Variants in PTPRD observed in about 807,000 individuals in gnomAD.
PTPRD encodes the protein receptor-type tyrosine-protein phosphatase delta.
A neutral mutation model predicts 214.5 loss-of-function variants in PTPRD; 34 were observed. That is an observed-to-expected ratio of 0.16 (90% CI 0.12 to 0.21). The LOEUF (loss-of-function observed/expected upper bound fraction) is 0.21. Ranked by LOEUF, PTPRD falls within the 10% of genes least tolerant of loss-of-function variation. The probability of loss-of-function intolerance (pLI) is 1.00; values close to 1 mark genes in which losing one functional copy is unlikely to be tolerated. For missense variants in PTPRD, 2,545 were observed against 2,398.7 expected, an observed-to-expected ratio of 1.06 and a Z score of -1.27; for synonymous variants, 1,128 against 845.7, an observed-to-expected ratio of 1.33 and a Z score of -5.79.
chr9:9,452,944 C>T (rs2092449674), intron 8 of PTPRD, among the ~76,000 whole-genome samples: 1 of 151,106 alleles, frequency 6.6e-6, no homozygotes, highest in Admixed American at 6.6e-5. Flanking sequence ...ATTAAAACTC[C>T]CTCTTTTGAA....
chr9:9,472,454 C>T (rs1239342387), intron 8 of PTPRD, among the ~76,000 whole-genome samples: 3 of 151,980 alleles, frequency 2.0e-5, no homozygotes, highest in African/African-American at 4.8e-5. Context: ...CCACCCGCCT[C>T]GGCCTCCCAA....
chr9:8,459,313 T>A (rs925927590), intron 33 of PTPRD, among the ~76,000 whole-genome samples: 2 of 152,142 alleles, frequency 1.3e-5, no homozygotes, highest in South Asian at 2.1e-4. Context: ...AGAGAAGCTA[T>A]CTTGTAGTAG....
chr9:8,386,105 TCA>T (rs1438975957), intron 37 of PTPRD, among the ~76,000 whole-genome samples: 1 of 152,150 alleles, frequency 6.6e-6, no homozygotes, highest in Non-Finnish European at 1.5e-5. Flanking sequence ...ATCCTTTATC[TCA>T]GTCAATACCC....
At chr9:8,322,977 A>C (rs1173990229) in intron 44 of PTPRD, among the ~76,000 whole-genome samples, 1 of 152,206 alleles carries the variant, frequency 6.6e-6, no homozygotes, top group Non-Finnish European at 1.5e-5. Flanking sequence ...AGGAAGAGTT[A>C]TACATCTCTC....
chr9:8,852,283 T>C (rs1400180037), intron 11 of PTPRD, among the ~76,000 whole-genome samples: 1 of 152,192 alleles, frequency 6.6e-6, no homozygotes, highest in African/African-American at 2.4e-5. Flanking sequence ...CAATTGAGAA[T>C]TTATAAATTT....
chr9:9,563,891 G>A (rs1227945980), intron 8 of PTPRD, among the ~76,000 whole-genome samples: 1 of 152,088 alleles, frequency 6.6e-6, no homozygotes, highest in Admixed American at 6.5e-5. Flanking sequence ...CTTATCCATT[G>A]ATATCCTGGC....
intron 3 of PTPRD, among the ~76,000 whole-genome samples, chr9:10,077,025 C>G (rs139600304): frequency 6.6e-6 from 1 of 152,254 alleles, no homozygotes; most frequent in African/African-American, 2.4e-5. Flanking sequence ...ATGTCCATAG[C>G]TGAAGGTAAA....
chr9:9,955,171 CA>C (rs2093799534), intron 4 of PTPRD, among the ~76,000 whole-genome samples: 1 of 152,034 alleles, frequency 6.6e-6, no homozygotes, highest in African/African-American at 2.4e-5. Context: ...TGTCAGCAAA[CA>C]AAGGAACTTA....
At chr9:9,343,921 C>CT (rs1424541135) in intron 9 of PTPRD, among the ~76,000 whole-genome samples, 2 of 152,024 alleles carry the variant, frequency 1.3e-5, no homozygotes, top group Admixed American at 1.3e-4. Flanking sequence ...CTAAATTTTC[C>CT]TGGGGAAGCA....
chr9:9,373,907 A>T (rs1309654891), intron 9 of PTPRD, among the ~76,000 whole-genome samples: 1 of 152,024 alleles, frequency 6.6e-6, no homozygotes, highest in Non-Finnish European at 1.5e-5. Flanking sequence ...TTTATATATT[A>T]TGGACATTAT....
chr9:8,404,880 G>GA (rs1381374052), intron 35 of PTPRD, among the ~76,000 whole-genome samples: 6 of 150,734 alleles, frequency 4.0e-5, no homozygotes, highest in African/African-American at 1.5e-4. Context: ...TGATTCAAAT[G>GA]AAAAAAGAAA....
At position 8,454,609 on chromosome 9, in the gene PTPRD, A is replaced by G. The variant is rs762716454; in HGVS notation, c.3876-4772T>C. On this transcript the variant is annotated intron_variant, in intron 33 of 45. Transcript: ENST00000381196. ...CGGGTTTACTGCTCCATTTTAATGC[A>G]GCAAAAAAAGGAAAAAGAAAGGCTA... 6.8e-5 allele frequency: 109 copies of G among 1,612,384 alleles called. No homozygotes were observed. The South Asian group carries it at 1.2e-3, about 18-fold the overall frequency.
intron 3 of PTPRD, among the ~76,000 whole-genome samples, chr9:10,149,172 A>G (rs999784665): frequency 5.3e-5 from 8 of 152,188 alleles, no homozygotes; most frequent in African/African-American, 1.9e-4. Context: ...ATGAATGTAG[A>G]TATTAATTTA....
At chr9:10,318,849 C>G (rs16925807) in intron 3 of PTPRD, among the ~76,000 whole-genome samples, 7,646 of 152,066 alleles carry the variant, frequency 0.05, 627 homozygotes, top group African/African-American at 0.17. Flanking sequence ...TATGTAGTAG[C>G]AGAGAATGTT....
In PTPRD at chr9:10,532,822, G is replaced by C. The variant is rs576315628; in HGVS notation, c.-600+79576C>G. Reference sequence around the variant, plus strand: ...TTCCAGACTAAAATTCTCTTAGGTTGTGGTTTTCATGTATTTACCTGATCC... The same window carrying C: ...TTCCAGACTAAAATTCTCTTAGGTTCTGGTTTTCATGTATTTACCTGATCC... On this transcript the variant is annotated intron_variant, in intron 2 of 45. Transcript: ENST00000381196. Among the ~76,000 whole-genome samples the C allele has an allele frequency of 1.2e-3, 178 of 151,916 alleles. 1 individual carries two copies. The highest frequency in any genetic ancestry group is 4.2e-3 in the African/African-American group (173 of 41,468).
intron 11 of PTPRD, among the ~76,000 whole-genome samples, chr9:8,845,685 G>A (rs1265271025): frequency 6.6e-6 from 1 of 152,196 alleles, no homozygotes; most frequent in Non-Finnish European, 1.5e-5. Flanking sequence ...AATGTCCACA[G>A]CTCAACATAA....
intron 5 of PTPRD, among the ~76,000 whole-genome samples, chr9:9,845,025 T>C (rs1368639468): frequency 6.8e-6 from 1 of 146,176 alleles, no homozygotes; most frequent in Non-Finnish European, 1.5e-5. Context: ...TATGTATATA[T>C]ATACTGCTAT....
At chr9:9,355,049 T>C (rs1329553033) in intron 9 of PTPRD, among the ~76,000 whole-genome samples, 2 of 151,696 alleles carry the variant, frequency 1.3e-5, no homozygotes, top group Admixed American at 1.3e-4. Context: ...TGGTAACAAG[T>C]ATGACTTAAG....
intron 5 of PTPRD, among the ~76,000 whole-genome samples, chr9:9,880,940 G>A (rs1198623599): frequency 6.6e-6 from 1 of 152,002 alleles, no homozygotes; most frequent in Non-Finnish European, 1.5e-5. Context: ...TAGTTTAAGT[G>A]AACAAAAATC....
Sources: gnomAD v4.1 joint callset for allele counts (sites outside exome capture counted in the v4.1 genomes callset) on GRCh38, gnomAD v4.1.1 for gene constraint, MANE v1.5 for transcripts, NCBI Gene and HGNC (gene_info 2026-07-23, HGNC 2026-07-21) for gene names.